Variants in PKHD1L1 observed in about 807,000 individuals in gnomAD.
PKHD1L1 encodes fibrocystin-L.
Under a neutral mutation model 462.9 loss-of-function variants are expected in PKHD1L1, and 434 were observed. The observed-to-expected ratio is 0.94, with a 90% CI of 0.87 to 1.02. The LOEUF (loss-of-function observed/expected upper bound fraction) is 1.02, where lower values mean the gene tolerates loss of function less well. Among genes scored for constraint, PKHD1L1 ranks in the 50% least tolerant of loss-of-function variants. PKHD1L1 has a pLI of 0.00. For missense variants in PKHD1L1, 5,202 were observed against 5,096.1 expected (o/e 1.02, Z -0.63); for synonymous variants, 1,781 against 1,750.0 (o/e 1.02, Z -0.44).
intron 18 of PKHD1L1, among the ~76,000 whole-genome samples, chr8:109,408,591 G>T (rs11784792): frequency 0.16 from 23,832 of 152,050 alleles, 2,227 homozygotes; most frequent in South Asian, 0.29. Flanking sequence ...TAAAGTATTG[G>T]TTAGTTTAAA....
intron 6 of PKHD1L1, 140 bp from the exon 7 acceptor site, chr8:109,388,357 G>A (rs1301551623): frequency 4.5e-6 from 3 of 673,350 alleles, no homozygotes; most frequent in East Asian, 2.8e-5. Context: ...TAGATGTTTT[G>A]TTGAATGCAT....
intron 2 of PKHD1L1, among the ~76,000 whole-genome samples, chr8:109,366,021 C>G (rs888319930): frequency 2.6e-5 from 4 of 152,144 alleles, no homozygotes; most frequent in African/African-American, 9.7e-5. Context: ...TCTTCTGTTT[C>G]CAGACCTGAA....
chr8:109,367,547 TA>T (rs967264203), intron 2 of PKHD1L1, among the ~76,000 whole-genome samples: 2 of 152,222 alleles, frequency 1.3e-5, no homozygotes, highest in African/African-American at 4.8e-5. Flanking sequence ...CATAGTATAG[TA>T]TTGACTTGTA....
At chr8:109,416,840 CCTTCTCAAAGG>C (rs1253964597) in intron 21 of PKHD1L1, among the ~76,000 whole-genome samples, 1 of 152,132 alleles carries the variant, frequency 6.6e-6, no homozygotes, top group African/African-American at 2.4e-5. Context: ...AAGCAGAAAT[CCTTCTCAAAGG>C]GACATCTGAG....
intron 4 of PKHD1L1, among the ~76,000 whole-genome samples, chr8:109,383,155 A>T (rs1297598334): frequency 8.1e-5 from 5 of 61,610 alleles, no homozygotes; most frequent in African/African-American, 1.5e-4. Context: ...TATTATATAT[A>T]TTTATATATA....
At chr8:109,503,272 C>CCGGCCTGGGCTACAGAGACT (rs369687574) in intron 67 of PKHD1L1, among the ~76,000 whole-genome samples, 1 of 151,982 alleles carries the variant, frequency 6.6e-6, no homozygotes, top group African/African-American at 2.4e-5. Context: ...ACCACTGGAC[C>CCGGCCTGGGCTACAGAGACT]CCATCTCAAA....
rs552736518 is a variant in PKHD1L1, at chr8:109,373,695, G to C, written c.164-7675G>C. 2.0e-5 allele frequency among the ~76,000 whole-genome samples: 3 copies of C among 152,258 alleles called. No homozygotes were observed. In the South Asian group the frequency reaches 6.2e-4, roughly 32 times the overall value. On this transcript the variant is annotated intron_variant, in intron 2 of 77. Coordinates refer to ENST00000378402, the MANE Select transcript of PKHD1L1 (RefSeq NM_177531.6). ...CTTTGAATGTGTCCCAGAGATTCTG[G>C]TATGTTGTGTCTTTGTCCTCGTTGG...
At chr8:109,452,596 T>C (rs951182376) in intron 42 of PKHD1L1, 122 bp from the exon 43 acceptor site, 4 of 487,956 alleles carry the variant, frequency 8.2e-6, no homozygotes, top group Middle Eastern at 7.0e-4. Context: ...ATGCTTATTG[T>C]TTATATATAT....
chr8:109,491,229 A>C, intron 61 of PKHD1L1, 128 bp downstream of exon 61: 1 of 969,654 alleles, frequency 1.0e-6, no homozygotes, highest in East Asian at 2.7e-5. Context: ...CTGCTGTCTA[A>C]TATAGTAATT....
At chr8:109,449,189 A>G (rs991449532) in intron 39 of PKHD1L1, 149 bp from the exon 40 acceptor site, 3 of 633,700 alleles carry the variant, frequency 4.7e-6, no homozygotes, top group African/African-American at 3.7e-5. Context: ...AGTTGCATTA[A>G]TAGAATAATG....
intron 71 of PKHD1L1, 26 bp downstream of exon 71, chr8:109,510,960 T>C: frequency 6.2e-7 from 1 of 1,603,176 alleles, no homozygotes; most frequent in Non-Finnish European, 8.5e-7. Context: ...TTAAGAGTAA[T>C]TGCTGTTGAT....
intron 72 of PKHD1L1, among the ~76,000 whole-genome samples, chr8:109,516,982 C>G (rs1820301456): frequency 6.6e-6 from 1 of 151,974 alleles, no homozygotes; most frequent in African/African-American, 2.4e-5. Flanking sequence ...AGGAGGAGGG[C>G]ATTTCACAGT....
At chr8:109,438,289 A>G in intron 30 of PKHD1L1, 35 bp from the exon 31 acceptor site, 1 of 1,390,418 alleles carries the variant, frequency 7.2e-7, no homozygotes, top group Non-Finnish European at 9.7e-7. Flanking sequence ...TATCTCAACA[A>G]TTAATATTTT....
chr8:109,478,283 C>A (rs1240424726), intron 53 of PKHD1L1, among the ~76,000 whole-genome samples: 1 of 152,114 alleles, frequency 6.6e-6, no homozygotes, highest in South Asian at 2.1e-4. Flanking sequence ...TGAGTATCCA[C>A]TATGTGCCAG....
At chr8:109,518,088 A>G in intron 72 of PKHD1L1, 79 bp from the exon 73 acceptor site, 2 of 919,294 alleles carry the variant, frequency 2.2e-6, no homozygotes, top group South Asian at 4.1e-5. Flanking sequence ...TCTAAATTCA[A>G]ACAAACATTA....
intron 28 of PKHD1L1, 100 bp from the exon 29 acceptor site, chr8:109,435,090 T>C (rs1815329508): frequency 2.4e-6 from 3 of 1,225,462 alleles, no homozygotes; most frequent in Non-Finnish European, 3.4e-6. Flanking sequence ...CTTCGTGAGA[T>C]CTAAAAATGA....
chr8:109,486,031 G>T (rs1353766808), intron 58 of PKHD1L1, among the ~76,000 whole-genome samples: 1 of 151,852 alleles, frequency 6.6e-6, no homozygotes, highest in Admixed American at 6.6e-5. Flanking sequence ...AAATGCACCT[G>T]CTTGTCTTAA....
intron 2 of PKHD1L1, among the ~76,000 whole-genome samples, chr8:109,370,615 G>A (rs1044898917): frequency 1.3e-5 from 2 of 151,664 alleles, no homozygotes; most frequent in East Asian, 1.9e-4. Flanking sequence ...CCATTAACTC[G>A]TCATTTAGCA....
Position 109,523,263 on chromosome 8 carries a change from C to A in PKHD1L1, c.12361C>A (p.Leu4121Ile). The change falls in exon 76 of 78, where the codon CTA becomes ATA. Residue 4121 changes from leucine (L) to isoleucine (I), a missense_variant. Physicochemically the swap from Leu to Ile is conservative, Grantham distance 5 (BLOSUM62 2). Coordinates refer to ENST00000378402, the MANE Select transcript of PKHD1L1 (RefSeq NM_177531.6). ...CTGTGTATCAGTTGGAATTACTGCA[C>A]TAACTTTGAGGGCCATACTCAAGGA... ...GNCVSVGITA[L>I]TLRAILKDSN... The A allele has an allele frequency of 6.2e-7, 1 of 1,605,172 alleles. No individual in the cohort carries two copies. Among genetic ancestry groups the A allele is most frequent in the Non-Finnish European group, 8.5e-7 (1 of 1,174,858 alleles).
Sources: gnomAD v4.1 joint callset for allele counts (sites outside exome capture counted in the v4.1 genomes callset) on GRCh38, gnomAD v4.1.1 for gene constraint, MANE v1.5 for transcripts, NCBI Gene and HGNC (gene_info 2026-07-23, HGNC 2026-07-21) for gene names.